The following TECR variants were observed in gnomAD, a reference collection of about 807,000 sequenced individuals.
TECR encodes the protein very-long-chain enoyl-CoA reductase.
Under a neutral mutation model 50.6 loss-of-function variants are expected in TECR, and 19 were observed. That is an observed-to-expected ratio of 0.38 (90% CI 0.26 to 0.55). The LOEUF is 0.55. Ranked by LOEUF, TECR falls within the 20% of genes least tolerant of loss-of-function variation. TECR has a pLI of 0.79. For synonymous variants in TECR, 168 were observed against 163.5 expected (o/e 1.03, Z -0.21); for missense variants, 313 against 408.3 (o/e 0.77, Z 2.01).
At chr19:14,556,429 A>AACAAAAAC (rs1343586457) in intron 1 of TECR, among the ~76,000 whole-genome samples, 1 of 151,168 alleles carries the variant, frequency 6.6e-6, no homozygotes, top group Non-Finnish European at 1.5e-5. Flanking sequence ...CAAAAACAAA[A>AACAAAAAC]AAAACCACAT....
intron 2 of TECR, among the ~76,000 whole-genome samples, chr19:14,562,983 C>T (rs918923643): frequency 1.3e-5 from 2 of 152,030 alleles, no homozygotes; most frequent in Non-Finnish European, 2.9e-5. Context: ...GGCTGGGGGC[C>T]TGCTGGCTGA....
chr19:14,546,581 G>A (rs1020612362), intron 1 of TECR, among the ~76,000 whole-genome samples: 1 of 152,094 alleles, frequency 6.6e-6, no homozygotes, highest in Non-Finnish European at 1.5e-5. Context: ...ACAGAAACAG[G>A]GCTCTCACTA....
chr19:14,550,032 G>A lies in TECR; in HGVS notation c.16-12493G>A, dbSNP rs187548315. ...TTCCTTTCTTTCTTCTTTCCATGTC[G>A]CACGTCACCTTTGAACATATTACAT... On this transcript the variant is annotated intron_variant, in intron 1 of 12. Coordinates refer to ENST00000215567, the MANE Select transcript of TECR (RefSeq NM_138501.6). Among the ~76,000 whole-genome samples the A allele has an allele frequency of 5.3e-5, 8 of 151,554 alleles. No homozygotes were observed. In the East Asian group the frequency reaches 5.8e-4, roughly 11 times the overall value.
intron 1 of TECR, chr19:14,545,868 A>G (rs906539692): frequency 6.5e-6 from 1 of 152,766 alleles, no homozygotes; most frequent in African/African-American, 2.4e-5. Context: ...GGAGCATCGG[A>G]AATGGGTCAC....
At chr19:14,537,689 A>G (rs1041863190) in intron 1 of TECR, among the ~76,000 whole-genome samples, 3 of 151,982 alleles carry the variant, frequency 2.0e-5, no homozygotes, top group African/African-American at 4.8e-5. Context: ...TGCGGCAGCC[A>G]GAATATAGTA....
In TECR at chr19:14,529,637, G is replaced by T. The variant is rs142882191; in HGVS notation, c.-60G>T. On this transcript the variant is annotated 5_prime_UTR_variant, in exon 1 of 13. Coordinates refer to ENST00000215567, the MANE Select transcript of TECR (RefSeq NM_138501.6). Reference sequence around the variant, plus strand: ...GTTGCGAGCGCTGTAGGGAGCCTGTGCTGTGCCGCGCAGTTAGGCAGCAGC... The same window carrying T: ...GTTGCGAGCGCTGTAGGGAGCCTGTTCTGTGCCGCGCAGTTAGGCAGCAGC... 1.2e-6 allele frequency: 2 copies of T among 1,613,438 alleles called. No individual in the cohort carries two copies. Among genetic ancestry groups the T allele is most frequent in the Non-Finnish European group, 1.7e-6 (2 of 1,179,680 alleles).
rs564188602 is a variant in TECR, at chr19:14,535,659, C to CAGGAGAATTCG, written c.15+5949_15+5959dup. Among the ~76,000 whole-genome samples the CAGGAGAATTCG allele has an allele frequency of 4.4e-3, 549 of 125,094 alleles. 8 individuals are homozygous for CAGGAGAATTCG. Among genetic ancestry groups the CAGGAGAATTCG allele is most frequent in the Non-Finnish European group, 6.3e-3 (396 of 63,328 alleles). 82.1% of individuals were successfully genotyped at this position (125,094 alleles called of 152,430 possible). On this transcript the variant is annotated intron_variant, in intron 1 of 12. Transcript: ENST00000215567. ...ATCCCAGGTACTCGAGAGACTGAGG[C>CAGGAGAATTCG]AGGAGAATTCGTTTGAACCTGGGAG...
chr19:14,565,772 C>T lies in TECR; in HGVS notation c.828C>T (p.Thr276=). 1 of 1,611,012 alleles carries T rather than the reference C, an allele frequency of 6.2e-7. No individual in the cohort carries two copies. Among genetic ancestry groups the T allele is most frequent in the Non-Finnish European group, 8.5e-7 (1 of 1,179,272 alleles). ...PVALFSLVGF[T]QMTIWAKGKH... ...CCCTGTTCTCCCTGGTGGGCTTCAC[C>T]CAGATGACCATCTGGGCCAAGGGCA... Residue 276 remains threonine (T), a synonymous_variant, in exon 13 of 13, where the codon ACC becomes ACT. Transcript: ENST00000215567.
intron 1 of TECR, among the ~76,000 whole-genome samples, chr19:14,543,740 A>G (rs1303442635): frequency 5.9e-5 from 8 of 136,400 alleles, no homozygotes; most frequent in Non-Finnish European, 1.2e-4. Context: ...GCCCGGCTAT[A>G]TATATATTTT....
Position 14,565,893 on chromosome 19 carries a change from C to T in TECR, c.*22C>T. ...CTGAGCGCTCACCCCTGCTGAGGCT[C>T]AGCCCCTCAACCCGGTGGCATTCTG... On this transcript the variant is annotated 3_prime_UTR_variant, in exon 13 of 13. Coordinates refer to ENST00000215567, the MANE Select transcript of TECR (RefSeq NM_138501.6). 1.3e-6 allele frequency: 2 copies of T among 1,569,164 alleles called. No homozygotes were observed. The highest frequency in any genetic ancestry group is 2.7e-5 in the African/African-American group (2 of 74,050).
At chr19:14,561,285 G>A (rs946956978) in intron 1 of TECR, among the ~76,000 whole-genome samples, 2 of 152,180 alleles carry the variant, frequency 1.3e-5, no homozygotes, top group Non-Finnish European at 2.9e-5. Flanking sequence ...GCCCCCGCTG[G>A]GTTTCTGTGG....
chr19:14,544,635 CTT>C (rs545193107), intron 1 of TECR, among the ~76,000 whole-genome samples: 45,898 of 133,988 alleles, frequency 0.34, 7,695 homozygotes, highest in Non-Finnish European at 0.41. Flanking sequence ...TTGGCCATTC[CTT>C]TTTTTTTTTT....
intron 7 of TECR, 25 bp from the exon 8 acceptor site, chr19:14,564,761 C>T: frequency 6.2e-7 from 1 of 1,608,412 alleles, no homozygotes; most frequent in Non-Finnish European, 8.5e-7. Context: ...GGCCCAAGTC[C>T]CATCCCTGCC....
At chr19:14,555,438 C>CTTT (rs747503834) in intron 1 of TECR, among the ~76,000 whole-genome samples, 13 of 92,902 alleles carry the variant, frequency 1.4e-4, no homozygotes, top group East Asian at 3.2e-4. Context: ...TTTATTTATT[C>CTTT]TTTTTTTTTT....
chr19:14,557,037 G>A (rs956851030), intron 1 of TECR, among the ~76,000 whole-genome samples: 2 of 152,196 alleles, frequency 1.3e-5, no homozygotes, highest in Admixed American at 6.5e-5. Flanking sequence ...CGTCCCAGGA[G>A]AAGGGGCCTG....
At position 14,564,005 on chromosome 19, in the gene TECR, G is replaced by T; in HGVS notation, c.291G>T (p.Gly97=). The change falls in exon 6 of 13, where the codon GGG becomes GGT. Residue 97 remains glycine, a synonymous_variant. Transcript: ENST00000215567. ...AGGTCTTCCTAACAGAGTACGCGGG[G>T]CCCCTTTTCATCTACCTGCTCTTCT... The part of the protein sequence containing the change: ...WVTVFLTEYA[G]PLFIYLLFYF... The T allele has an allele frequency of 6.2e-7, 1 of 1,614,018 alleles. No individual in the cohort carries two copies. Among genetic ancestry groups the T allele is most frequent in the Non-Finnish European group, 8.5e-7 (1 of 1,179,950 alleles).
chr19:14,547,574 A>T (rs1259848960), intron 1 of TECR, among the ~76,000 whole-genome samples: 1 of 151,834 alleles, frequency 6.6e-6, no homozygotes, highest in African/African-American at 2.4e-5. Flanking sequence ...GTTAGCTAGG[A>T]TGGTCTCAAA....
intron 1 of TECR, among the ~76,000 whole-genome samples, chr19:14,542,986 A>G (rs2146579177): frequency 7.8e-6 from 1 of 127,642 alleles, no homozygotes; most frequent in Non-Finnish European, 1.6e-5. Flanking sequence ...GTCCTTCCAA[A>G]TTCTTTTTTT....
chr19:14,543,419 ATTTTTTTTTTTTTTTTTTTTT>A (rs1169742953), intron 1 of TECR, among the ~76,000 whole-genome samples: 307 of 21,842 alleles, frequency 0.014, 10 homozygotes, highest in Non-Finnish European at 0.019. Context: ...ATATATATAT[ATTTTTTTTTTTTTTTTTTTTT>A]TTTTTTTTTT....
Sources: gnomAD v4.1 joint callset for allele counts (sites outside exome capture counted in the v4.1 genomes callset) on GRCh38, gnomAD v4.1.1 for gene constraint, MANE v1.5 for transcripts, NCBI Gene and HGNC (gene_info 2026-07-23, HGNC 2026-07-21) for gene names.